ADAMTSL1: variants seen among roughly 807,000 people sequenced by gnomAD.
ADAMTSL1 encodes the protein ADAMTS-like protein 1.
A neutral mutation model predicts 201.8 loss-of-function variants in ADAMTSL1; 126 were observed. The ratio of observed to expected loss-of-function variants is 0.62; its 90% CI spans 0.54 to 0.72. The LOEUF is 0.72. ADAMTSL1 is among the 30% of genes least tolerant of loss of function. The pLI is 0.00. For synonymous variants in ADAMTSL1, 1,121 were observed against 903.4 expected (o/e 1.24, Z -4.32); for missense variants, 2,679 against 2,277.8 (o/e 1.18, Z -3.59).
intron 2 of ADAMTSL1, among the ~76,000 whole-genome samples, chr9:18,196,971 G>A (rs1230558887): frequency 6.6e-6 from 1 of 152,026 alleles, no homozygotes; most frequent in Non-Finnish European, 1.5e-5. Flanking sequence ...TCACACACAT[G>A]CTAATTCTCT....
At chr9:18,441,043 T>C (rs1425563949) in intron 2 of ADAMTSL1, among the ~76,000 whole-genome samples, 2 of 152,154 alleles carry the variant, frequency 1.3e-5, no homozygotes, top group South Asian at 4.1e-4. Context: ...GAAAACATTA[T>C]GCTATGTGAA....
At chr9:18,009,435 C>T (rs1304012099) in intron 1 of ADAMTSL1, among the ~76,000 whole-genome samples, 2 of 152,040 alleles carry the variant, frequency 1.3e-5, no homozygotes, top group Non-Finnish European at 2.9e-5. Context: ...AGTCTCCTGT[C>T]TTATTCACTG....
chr9:18,242,252 A>G (rs906840668), intron 2 of ADAMTSL1, among the ~76,000 whole-genome samples: 2 of 152,168 alleles, frequency 1.3e-5, no homozygotes, highest in African/African-American at 4.8e-5. Flanking sequence ...TGAATGAGAG[A>G]TTAAAAACCA....
chr9:18,680,835 C>G (rs1830430470), intron 11 of ADAMTSL1: 1 of 355,088 alleles, frequency 2.8e-6, no homozygotes, highest in Non-Finnish European at 5.3e-6. Flanking sequence ...TCTGTAAAAG[C>G]TGCTTTGATG....
intron 23 of ADAMTSL1, among the ~76,000 whole-genome samples, chr9:18,845,926 T>G (rs1826076850): frequency 6.6e-6 from 1 of 152,178 alleles, no homozygotes. Context: ...AGAAAACAGT[T>G]GAATAAATAT....
intron 1 of ADAMTSL1, among the ~76,000 whole-genome samples, chr9:18,026,547 G>A (rs1257333866): frequency 1.3e-4 from 19 of 151,992 alleles, no homozygotes; most frequent in Admixed American, 1.2e-3. Context: ...TTATACTCCA[G>A]GAATAAAGCT....
At chr9:17,939,219 AC>A (rs1827132393) in intron 1 of ADAMTSL1, among the ~76,000 whole-genome samples, 1 of 151,594 alleles carries the variant, frequency 6.6e-6, no homozygotes, top group Non-Finnish European at 1.5e-5. Flanking sequence ...TTGGTCCCTT[AC>A]CTTTCTCTTG....
chr9:18,311,115 A>C (rs1002789551), intron 2 of ADAMTSL1, among the ~76,000 whole-genome samples: 1 of 152,082 alleles, frequency 6.6e-6, no homozygotes, highest in African/African-American at 2.4e-5. Context: ...CAGAAAACCA[A>C]ACAGCGCATC....
At chr9:18,331,228 T>A (rs967502855) in intron 2 of ADAMTSL1, among the ~76,000 whole-genome samples, 1 of 152,134 alleles carries the variant, frequency 6.6e-6, no homozygotes, top group African/African-American at 2.4e-5. Flanking sequence ...GCTAAGGAAG[T>A]GTGTTGAGGT....
chr9:18,091,067 GCA>G (rs1491057184), intron 1 of ADAMTSL1, among the ~76,000 whole-genome samples: 10 of 97,394 alleles, frequency 1.0e-4, no homozygotes, highest in African/African-American at 4.4e-4. Context: ...GTGTGTATAT[GCA>G]TGTGTGTGTG....
intron 1 of ADAMTSL1, among the ~76,000 whole-genome samples, chr9:17,963,790 T>C (rs1213616463): frequency 2.0e-5 from 3 of 152,158 alleles, no homozygotes; most frequent in Admixed American, 6.5e-5. Context: ...TTTTTTGTTT[T>C]TGTTGAAAGA....
intron 17 of ADAMTSL1, among the ~76,000 whole-genome samples, chr9:18,775,507 T>C (rs1820923426): frequency 6.6e-6 from 1 of 152,170 alleles, no homozygotes; most frequent in Non-Finnish European, 1.5e-5. Context: ...CCAGACTATA[T>C]ATGTAAAATA....
chr9:18,429,033 T>G (rs947805879), intron 2 of ADAMTSL1, among the ~76,000 whole-genome samples: 1 of 152,216 alleles, frequency 6.6e-6, no homozygotes, highest in Non-Finnish European at 1.5e-5. Context: ...TTTTTAATGG[T>G]GTGTGTCTGA....
intron 1 of ADAMTSL1, among the ~76,000 whole-genome samples, chr9:17,965,166 A>G (rs776288401): frequency 6.6e-6 from 1 of 152,210 alleles, no homozygotes; most frequent in Non-Finnish European, 1.5e-5. Context: ...CTTGTAATTT[A>G]TATTTCTTTT....
At chr9:18,421,405 A>C (rs1039847749) in intron 2 of ADAMTSL1, among the ~76,000 whole-genome samples, 5 of 152,170 alleles carry the variant, frequency 3.3e-5, no homozygotes, top group African/African-American at 1.2e-4. Context: ...CCAGCTCTGA[A>C]AGGCTAAGAC....
intron 16 of ADAMTSL1, among the ~76,000 whole-genome samples, chr9:18,761,027 C>A (rs954810313): frequency 6.6e-6 from 1 of 152,174 alleles, no homozygotes; most frequent in Non-Finnish European, 1.5e-5. Context: ...CCCCAGCATC[C>A]AATACAGTGC....
intron 1 of ADAMTSL1, among the ~76,000 whole-genome samples, chr9:17,927,220 C>T (rs750416161): frequency 1.8e-4 from 27 of 152,080 alleles, no homozygotes; most frequent in African/African-American, 5.6e-4. Context: ...TTATCCATAT[C>T]GTAGCATATA....
chr9:18,019,873 G>C (rs545461890), intron 1 of ADAMTSL1, among the ~76,000 whole-genome samples: 103 of 152,186 alleles, frequency 6.8e-4, no homozygotes, highest in African/African-American at 2.4e-3. Flanking sequence ...GCTGAGAGTA[G>C]TGGAGAATTA....
chr9:18,498,870 A>G (rs569909032), intron 1 of ADAMTSL1, among the ~76,000 whole-genome samples: 9 of 152,370 alleles, frequency 5.9e-5, no homozygotes, highest in Non-Finnish European at 1.3e-4. Context: ...TCATTTGTCT[A>G]AATCCTGGCA....
Sources: gnomAD v4.1 joint callset for allele counts (sites outside exome capture counted in the v4.1 genomes callset) on GRCh38, gnomAD v4.1.1 for gene constraint, MANE v1.5 for transcripts, NCBI Gene and HGNC (gene_info 2026-07-23, HGNC 2026-07-21) for gene names.